The following NLRP5 variants were observed in gnomAD, a reference collection of about 807,000 sequenced individuals.
The protein encoded by NLRP5 is NACHT, LRR and PYD domains-containing protein 5.
In NLRP5, 93 loss-of-function variants were observed where a neutral mutation model predicts 113.1. The observed-to-expected ratio is 0.82, with a 90% CI of 0.70 to 0.98. The LOEUF is 0.98. Among genes scored for constraint, NLRP5 ranks in the 50% least tolerant of loss-of-function variants. The pLI, the probability that NLRP5 is intolerant of heterozygous loss-of-function variation, is 0.00. For missense variants in NLRP5, 1,808 were observed against 1,514.3 expected (o/e 1.19, Z -3.22); for synonymous variants, 751 against 600.7 (o/e 1.25, Z -3.66).
At chr19:56,009,326 C>T (rs982567765) in intron 3 of NLRP5, among the ~76,000 whole-genome samples, 39 of 81,994 alleles carry the variant, frequency 4.8e-4, no homozygotes, top group African/African-American at 1.5e-3. Context: ...GGCGACAGAA[C>T]GAGACTCCAT....
At chr19:56,043,112 G>A (rs556333423) in intron 11 of NLRP5, among the ~76,000 whole-genome samples, 1 of 152,214 alleles carries the variant, frequency 6.6e-6, no homozygotes, top group African/African-American at 2.4e-5. Context: ...TTTTCTCTGG[G>A]TGGATGCCCA....
At chr19:56,003,552 A>G (rs1227257019) in intron 1 of NLRP5, among the ~76,000 whole-genome samples, 184 bp from the exon 2 acceptor site, 1 of 152,362 alleles carries the variant, frequency 6.6e-6, no homozygotes, top group Non-Finnish European at 1.5e-5. Flanking sequence ...AAGGGTACAG[A>G]CAACAAAATG....
At chr19:56,050,648 G>T in intron 12 of NLRP5, 60 bp downstream of exon 12, 1 of 1,525,718 alleles carries the variant, frequency 6.6e-7, no homozygotes. Flanking sequence ...GTTCCTGAAA[G>T]GTCAAGAGAT....
At position 56,028,221 on chromosome 19, in the gene NLRP5, A is replaced by G. The variant is rs568245591; in HGVS notation, c.1988A>G (p.Gln663Arg). 93 of 1,613,942 alleles carry G rather than the reference A, an allele frequency of 5.8e-5. 2 individuals are homozygous for G. The South Asian group carries it at 9.2e-4, about 16-fold the overall frequency. ...TGTCCCGTTCCCCTGGGGGTGAAGC[A>G]GAAGCTTCTGCACTGGGTCTCTCTG... Residue 663 changes from glutamine to arginine, a missense_variant, in exon 7 of 15, where the codon CAG (glutamine) becomes CGG (arginine). By Grantham distance (43) the Gln-to-Arg change is conservative. Coordinates refer to ENST00000390649, the MANE Select transcript of NLRP5 (RefSeq NM_153447.4).
chr19:55,998,690 A>ATATATATGTGTG (rs1981442425), upstream of NLRP5, among the ~76,000 whole-genome samples: 1 of 56,270 alleles, frequency 1.8e-5, no homozygotes, highest in African/African-American at 1.1e-4. Flanking sequence ...ATATATATAT[A>ATATATATGTGTG]TATATATATA....
chr19:56,035,429 T>C (rs1983275437), intron 9 of NLRP5, among the ~76,000 whole-genome samples: 1 of 152,158 alleles, frequency 6.6e-6, no homozygotes, highest in African/African-American at 2.4e-5. Flanking sequence ...TCGTGTGGGG[T>C]TTATCTGGGA....
chr19:55,998,728 A>ATATATATATATATGTG (rs1262553481), upstream of NLRP5, among the ~76,000 whole-genome samples: 1 of 130,344 alleles, frequency 7.7e-6, no homozygotes, highest in African/African-American at 3.2e-5. Context: ...ATATATATAT[A>ATATATATATATATGTG]TGTGTATATA....
At chr19:56,025,770 C>T (rs1982819903) in intron 6 of NLRP5, among the ~76,000 whole-genome samples, 1 of 152,032 alleles carries the variant, frequency 6.6e-6, no homozygotes, top group Non-Finnish European at 1.5e-5. Flanking sequence ...AGGGATGGAA[C>T]AGGAGGGGCA....
chr19:56,035,754 C>G (rs960712782), intron 9 of NLRP5, among the ~76,000 whole-genome samples: 1 of 152,130 alleles, frequency 6.6e-6, no homozygotes, highest in Non-Finnish European at 1.5e-5. Context: ...ACACCTGGCC[C>G]GTATTCCCCA....
chr19:56,039,004 A>AG (rs1983421847), intron 10 of NLRP5, among the ~76,000 whole-genome samples: 1 of 152,018 alleles, frequency 6.6e-6, no homozygotes, highest in Admixed American at 6.6e-5. Context: ...TGATCTAGGG[A>AG]GGGGAGGCGA....
chr19:56,050,557 A>G lies in NLRP5; in HGVS notation c.3097A>G (p.Arg1033Gly). 2 of 1,613,950 alleles carry G rather than the reference A, an allele frequency of 1.2e-6. No individual in the cohort carries two copies. The highest frequency in any genetic ancestry group is 3.3e-4 in the Middle Eastern group (2 of 6,062). ...CGTGAAGCTTCTGTGCGAGGTCATG[A>G]GAGAACCATCTTGTCATCTCCAGGA... is the stretch of plus-strand genomic sequence containing the variant. Residue 1033 changes from arginine (R) to glycine (G), a missense_variant, in exon 12 of 15, where the codon AGA (arginine) becomes GGA (glycine). Arg to Gly is a moderately radical substitution (Grantham distance 125). Transcript: ENST00000390649.
intron 1 of NLRP5, among the ~76,000 whole-genome samples, chr19:56,000,957 A>G (rs1482838598): frequency 6.6e-6 from 1 of 151,970 alleles, no homozygotes; most frequent in Admixed American, 6.6e-5. Flanking sequence ...CAGCAAGTAG[A>G]GATCATGCCA....
chr19:56,046,412 G>GTT (rs1283563316), intron 11 of NLRP5, among the ~76,000 whole-genome samples: 5 of 150,678 alleles, frequency 3.3e-5, no homozygotes, highest in African/African-American at 1.2e-4. Context: ...GTGTGTGTGT[G>GTT]TGTGTGTGTG....
rs538035406 is a variant in NLRP5, at chr19:56,019,222, G to T, written c.566-120G>T. ...CTGTCTTCTAGCTGAGACAGTGGTT[G>T]CCATGTTTTCAACTGGCCAGAAAAT... is the stretch of plus-strand genomic sequence containing the variant. On this transcript the variant is annotated intron_variant, in intron 4 of 14. Transcript: ENST00000390649. 3.2e-5 allele frequency: 36 copies of T among 1,125,396 alleles called. No homozygotes were observed. The South Asian group carries it at 4.4e-4, about 14-fold the overall frequency. 69.7% of individuals were successfully genotyped at this position (1,125,396 alleles called of 1,614,324 possible).
chr19:55,989,638 C>G, the NLRP5 span, among the ~76,000 whole-genome samples: 1 of 152,256 alleles, frequency 6.6e-6, no homozygotes, highest in African/African-American at 2.4e-5. Context: ...TGTCTCTTCC[C>G]TATTTTCTGC....
At position 56,028,183 on chromosome 19, in the gene NLRP5, G is replaced by T. The variant is rs762526958; in HGVS notation, c.1950G>T (p.Glu650Asp). 1 of 1,613,960 alleles carries T rather than the reference G, an allele frequency of 6.2e-7. No homozygotes were observed. Among genetic ancestry groups the T allele is most frequent in the South Asian group, 1.1e-5 (1 of 91,086 alleles). Residue 650 changes from glutamate to aspartate, a missense_variant, in exon 7 of 15, where the codon GAG (glutamate) becomes GAT (aspartate). By Grantham distance (45) the Glu-to-Asp change is conservative. Coordinates refer to ENST00000390649, the MANE Select transcript of NLRP5 (RefSeq NM_153447.4). Reference sequence around the variant, plus strand: ...GCGAAGACGTAAGGAGGCCACTGGAGGTCCTGCTGGGCTGTCCCGTTCCCC... The same window carrying T: ...GCGAAGACGTAAGGAGGCCACTGGATGTCCTGCTGGGCTGTCCCGTTCCCC...
At position 56,003,600 on chromosome 19, in the gene NLRP5, T is replaced by C. The variant is rs375779058; in HGVS notation, c.63-116T>C. 6 of 1,027,380 alleles carry C rather than the reference T, an allele frequency of 5.8e-6. No homozygotes were observed. In the Admixed American group the frequency reaches 1.3e-4, roughly 21 times the overall value. 63.6% of individuals were successfully genotyped at this position (1,027,380 alleles called of 1,614,324 possible). A position where few individuals can be genotyped will look rare whatever the true frequency, so the allele number is the denominator to read the frequency against. On this transcript the variant is annotated intron_variant, in intron 1 of 14. Coordinates refer to ENST00000390649, the MANE Select transcript of NLRP5 (RefSeq NM_153447.4). Reference sequence around the variant, plus strand: ...TGTCTAGTAATAGGATAAACAGATATTGTGGCAACAAATGCTTCGTCCATG... The same window carrying C: ...TGTCTAGTAATAGGATAAACAGATACTGTGGCAACAAATGCTTCGTCCATG...
chr19:56,055,559 T>TTTTTTTTTTA, intron 13 of NLRP5, among the ~76,000 whole-genome samples: 1 of 127,272 alleles, frequency 7.9e-6, no homozygotes, highest in Non-Finnish European at 1.7e-5. Flanking sequence ...TTTTTTTTTT[T>TTTTTTTTTTA]TTTTAAGATA....
chr19:55,989,987 C>T, the NLRP5 span, among the ~76,000 whole-genome samples: 2 of 151,370 alleles, frequency 1.3e-5, no homozygotes, highest in Non-Finnish European at 2.9e-5. Context: ...ACATGTCAAA[C>T]GTAGTACATC....
Sources: gnomAD v4.1 joint callset for allele counts (sites outside exome capture counted in the v4.1 genomes callset) on GRCh38, gnomAD v4.1.1 for gene constraint, MANE v1.5 for transcripts, NCBI Gene and HGNC (gene_info 2026-07-23, HGNC 2026-07-21) for gene names.